The following ZNF333 variants were observed in gnomAD, a reference collection of about 807,000 sequenced individuals.
ZNF333 encodes zinc finger protein 333.
ZNF333 carries 61 observed loss-of-function variants against 76.1 expected under a neutral mutation model. The ratio of observed to expected loss-of-function variants is 0.80; its 90% CI spans 0.65 to 0.99. The LOEUF (loss-of-function observed/expected upper bound fraction) is 0.99, where lower values mean the gene tolerates loss of function less well. ZNF333 is among the 50% of genes least tolerant of loss of function. ZNF333 has a pLI of 0.00. For missense variants in ZNF333, 717 were observed against 822.4 expected, an observed-to-expected ratio of 0.87 and a Z score of 1.57; for synonymous variants, 284 against 305.0, an observed-to-expected ratio of 0.93 and a Z score of 0.72.
At chr19:14,715,781 C>T (rs1415888297) in intron 8 of ZNF333, among the ~76,000 whole-genome samples, 8 of 152,242 alleles carry the variant, frequency 5.3e-5, no homozygotes, top group Non-Finnish European at 1.2e-4. Context: ...TTGCCTGTAC[C>T]ATGCTCAGGT....
In ZNF333 at chr19:14,716,002, G is replaced by C. The variant is rs1361208940; in HGVS notation, c.601-110G>C. The C allele has an allele frequency of 4.5e-6, 7 of 1,546,328 alleles. No individual in the cohort carries two copies. In the African/African-American group the frequency reaches 9.6e-5, roughly 21 times the overall value. On this transcript the variant is annotated intron_variant, in intron 8 of 11. Transcript: ENST00000292530. ...TCTGCGGGATCTCAGAACCCTGTCTGAAAGTCCTCTGCCTGGGTTTTCCCT... is the reference window on the plus strand; with the variant it reads ...TCTGCGGGATCTCAGAACCCTGTCTCAAAGTCCTCTGCCTGGGTTTTCCCT...
Position 14,707,621 on chromosome 19 carries a change from G to A in ZNF333, c.511+848G>A, listed in dbSNP as rs1266024812. On this transcript the variant is annotated intron_variant, in intron 7 of 11. Transcript: ENST00000292530. ...AGCTGGACTGCAGTGGCACTATCCC[G>A]GCTCACTGCAAGCTCCGCCTCTTGG... 4.6e-5 allele frequency among the ~76,000 whole-genome samples: 6 copies of A among 131,448 alleles called. No individual in the cohort carries two copies. The Admixed American group carries it at 5.5e-4, about 12-fold the overall frequency. The allele number at this position is 131,448 out of a possible 152,430, so 86.2% of individuals were successfully genotyped here.
intron 8 of ZNF333, 136 bp downstream of exon 8, chr19:14,715,606 G>A: frequency 2.6e-6 from 2 of 756,384 alleles, no homozygotes; most frequent in Admixed American, 2.3e-5. Context: ...TGCAGTGGGT[G>A]TCAGCAAGGG....
chr19:14,707,893 G>A (rs1481292626), intron 7 of ZNF333: 1 of 400,168 alleles, frequency 2.5e-6, no homozygotes, highest in African/African-American at 2.1e-5. Context: ...CTTGTGTCTG[G>A]AATCTCTGTT....
chr19:14,712,421 T>C (rs1342891964), intron 7 of ZNF333, among the ~76,000 whole-genome samples: 1 of 152,052 alleles, frequency 6.6e-6, no homozygotes, highest in African/African-American at 2.4e-5. Flanking sequence ...GGTTTCGTCA[T>C]GTTGGCCAGG....
Position 14,695,625 on chromosome 19 carries a change from G to C in ZNF333, c.187G>C (p.Ala63Pro). The change falls in exon 4 of 12, where the codon GCA becomes CCA. Residue 63 changes from alanine (A) to proline (P), a missense_variant. By Grantham distance (27) the Ala-to-Pro change is conservative (BLOSUM62 -1). Coordinates refer to ENST00000292530, the MANE Select transcript of ZNF333 (RefSeq NM_032433.4). ...SQLGQRAEPK[A>P]TERGILRATG... is the part of the protein sequence containing the mutation. ...GCTGGGGCAAAGAGCAGAGCCAAAG[G>C]CAACAGAACGAGGGATTCTCCGTGC... 6.2e-7 allele frequency: 1 copy of C among 1,614,170 alleles called. No homozygotes were observed. The highest frequency in any genetic ancestry group is 8.5e-7 in the Non-Finnish European group (1 of 1,180,026).
chr19:14,714,306 A>G (rs1355420048), intron 7 of ZNF333, among the ~76,000 whole-genome samples: 23 of 152,164 alleles, frequency 1.5e-4, no homozygotes, highest in Admixed American at 1.4e-3. Flanking sequence ...CCAATCCAAC[A>G]TGACTGTGTC....
chr19:14,707,549 CT>C (rs751633025), intron 7 of ZNF333, among the ~76,000 whole-genome samples: 5,776 of 115,526 alleles, frequency 0.05, 196 homozygotes, highest in African/African-American at 0.17. Context: ...AGCTTTGTTT[CT>C]TTTTTTTTTT....
At chr19:14,724,514 C>T (rs2042622100), downstream of ZNF333, among the ~76,000 whole-genome samples, 1 of 152,204 alleles carries the variant, frequency 6.6e-6, no homozygotes, top group Non-Finnish European at 1.5e-5. Context: ...ACCTGTAATC[C>T]CAGCACTTTG....
chr19:14,708,138 G>T (rs1173189789), intron 7 of ZNF333: 2 of 391,920 alleles, frequency 5.1e-6, no homozygotes, highest in Non-Finnish European at 9.0e-6. Flanking sequence ...CTCCCGAGTA[G>T]CTGGGATTAC....
intron 5 of ZNF333, among the ~76,000 whole-genome samples, chr19:14,704,686 A>C (rs2042058192): frequency 6.6e-6 from 1 of 152,224 alleles, no homozygotes; most frequent in African/African-American, 2.4e-5. Context: ...AATAACCATC[A>C]GATCTCGTGA....
chr19:14,691,676 C>CTTT (rs71166784), intron 1 of ZNF333, among the ~76,000 whole-genome samples: 44,791 of 121,574 alleles, frequency 0.37, 8,953 homozygotes, highest in East Asian at 0.67. Context: ...GTCATATTGT[C>CTTT]TTTTTTTTTT....
Position 14,709,669 on chromosome 19 carries a change from C to G in ZNF333, c.511+2896C>G, listed in dbSNP as rs1195001285. 2.6e-5 allele frequency among the ~76,000 whole-genome samples: 4 copies of G among 152,322 alleles called. No individual in the cohort carries two copies. The East Asian group carries it at 7.7e-4, about 29-fold the overall frequency. On this transcript the variant is annotated intron_variant, in intron 7 of 11. Coordinates refer to ENST00000292530, the MANE Select transcript of ZNF333 (RefSeq NM_032433.4). ...GCCCTGAACCAACAGAACTCATGCCCTTACAAGAAGAGGAAGAGACACCAG... is the reference window on the plus strand; with the variant it reads ...GCCCTGAACCAACAGAACTCATGCCGTTACAAGAAGAGGAAGAGACACCAG...
chr19:14,706,754 A>G lies in ZNF333; in HGVS notation c.492A>G (p.Pro164=), dbSNP rs2042122400. 6.2e-7 allele frequency: 1 copy of G among 1,613,594 alleles called. No homozygotes were observed. Among genetic ancestry groups the G allele is most frequent in the African/African-American group, 1.3e-5 (1 of 75,030 alleles). ...IPVPTLGHRN[P]WVARDSAVPA... ...TGCCTACTCTGGGCCACCGCAACCCATGGGTGGCCAGGGATTCTGGTGAGT... is the reference window on the plus strand; with the variant it reads ...TGCCTACTCTGGGCCACCGCAACCCGTGGGTGGCCAGGGATTCTGGTGAGT... The change falls in exon 7 of 12, where the codon CCA becomes CCG. Residue 164 remains proline (P), a synonymous_variant. Transcript: ENST00000292530.
chr19:14,695,450 C>A, intron 3 of ZNF333, 116 bp from the exon 4 acceptor site: 2 of 1,037,892 alleles, frequency 1.9e-6, no homozygotes, highest in Non-Finnish European at 2.9e-6. Context: ...CTTGCTCAGC[C>A]CAGAGAATCT....
At chr19:14,722,790 G>T (rs28751039), downstream of ZNF333, among the ~76,000 whole-genome samples, 4,705 of 152,000 alleles carry the variant, frequency 0.031, 233 homozygotes, top group African/African-American at 0.097. Flanking sequence ...TTGTTTGTTC[G>T]TTTTTGTGTT....
At position 14,720,320 on chromosome 19, in the gene ZNF333, A is replaced by C; in HGVS notation, c.*995A>C. On this transcript the variant is annotated 3_prime_UTR_variant, in exon 12 of 12. Coordinates refer to ENST00000292530, the MANE Select transcript of ZNF333 (RefSeq NM_032433.4). ...TGACTCTGGGGAAGATATTGTGTTC[A>C]GGGATGGTTTCATGTAGCCACATCT... The C allele has an allele frequency of 1.0e-6, 1 of 985,436 alleles. No homozygotes were observed. Among genetic ancestry groups the C allele is most frequent in the South Asian group, 4.7e-5 (1 of 21,290 alleles). The allele number at this position is 985,436 out of a possible 1,614,324, so 61.0% of individuals were successfully genotyped here.
At chr19:14,697,738 G>A (rs1568525868) in intron 4 of ZNF333, among the ~76,000 whole-genome samples, 1 of 152,084 alleles carries the variant, frequency 6.6e-6, no homozygotes, top group Non-Finnish European at 1.5e-5. Flanking sequence ...GGCTCATATG[G>A]TAATGCTATG....
Position 14,699,215 on chromosome 19 carries a change from T to G in ZNF333, c.240T>G (p.Leu80=). 6.2e-7 allele frequency: 1 copy of G among 1,613,908 alleles called. No individual in the cohort carries two copies. Among genetic ancestry groups the G allele is most frequent in the Non-Finnish European group, 8.5e-7 (1 of 1,179,860 alleles). Residue 80 remains leucine, a synonymous_variant, in exon 5 of 12, where the codon CTT becomes CTG. Coordinates refer to ENST00000292530, the MANE Select transcript of ZNF333 (RefSeq NM_032433.4). ...TCATTTCAGCCTGGGAATCTCAACTTAAACCCGAAGAGTTGCCTTCTATGC... is the reference window on the plus strand; with the variant it reads ...TCATTTCAGCCTGGGAATCTCAACTGAAACCCGAAGAGTTGCCTTCTATGC... ...RATGVAWESQ[L]KPEELPSMQD...
Sources: allele counts gnomAD v4.1 joint callset (sites outside exome capture counted in the v4.1 genomes callset), GRCh38; gene constraint gnomAD v4.1.1; transcripts MANE v1.5; gene names NCBI Gene and HGNC (gene_info 2026-07-23, HGNC 2026-07-21).